GPHN: variants seen among roughly 807,000 people sequenced by gnomAD.
The protein encoded by GPHN is gephyrin.
GPHN carries 17 observed loss-of-function variants against 95.5 expected under a neutral mutation model. The ratio of observed to expected loss-of-function variants is 0.18; its 90% CI spans 0.12 to 0.27. The LOEUF (loss-of-function observed/expected upper bound fraction) is 0.27, where lower values mean the gene tolerates loss of function less well. GPHN is among the 10% of genes least tolerant of loss of function. GPHN has a pLI of 1.00. For synonymous variants in GPHN, 320 were observed against 322.5 expected, an observed-to-expected ratio of 0.99 and a Z score of 0.08; for missense variants, 660 against 978.1, an observed-to-expected ratio of 0.67 and a Z score of 4.34.
At chr14:67,562,195 G>A in the GPHN span, 2 of 1,611,746 alleles carry the variant, frequency 1.2e-6, no homozygotes, top group Non-Finnish European at 1.7e-6. Flanking sequence ...CTGCAGAGCA[G>A]GATTCTGTCC....
intron 17 of GPHN, among the ~76,000 whole-genome samples, 184 bp downstream of exon 17, chr14:67,122,561 A>C (rs1337112691): frequency 6.6e-6 from 1 of 152,204 alleles, no homozygotes; most frequent in African/African-American, 2.4e-5. Context: ...ATTTCTTGGA[A>C]TGTCTCTGAA....
At chr14:67,144,253 A>ATATACATATATATATGTG (rs2080727414) in intron 18 of GPHN, among the ~76,000 whole-genome samples, 1 of 46,456 alleles carries the variant, frequency 2.2e-5, no homozygotes, top group Admixed American at 2.7e-4. Context: ...AAAAAAAAAT[A>ATATACATATATATATGTG]TATATATATA....
the GPHN span, among the ~76,000 whole-genome samples, chr14:67,731,187 C>G: frequency 1.4e-5 from 2 of 141,370 alleles, no homozygotes; most frequent in African/African-American, 5.3e-5. Flanking sequence ...AATTGTGTTT[C>G]TCATCATATT....
At chr14:67,198,394 G>A in the GPHN span, 2 of 1,399,554 alleles carry the variant, frequency 1.4e-6, no homozygotes, top group Non-Finnish European at 2.0e-6. Context: ...GAAAAGGATG[G>A]TAGGAGAATT....
chr14:67,454,505 C>T, the GPHN span: 1 of 152,220 alleles, frequency 6.6e-6, no homozygotes, highest in Non-Finnish European at 1.5e-5. Context: ...CTGTAGAACT[C>T]CGAACACTCA....
the GPHN span, chr14:67,587,040 G>A: frequency 6.3e-5 from 98 of 1,551,820 alleles, no homozygotes; most frequent in Admixed American, 9.7e-5. Flanking sequence ...GCCAAGGCTA[G>A]TTCAATTCCT....
At chr14:67,348,750 G>A in the GPHN span, 2 of 273,890 alleles carry the variant, frequency 7.3e-6, no homozygotes, top group Non-Finnish European at 1.4e-5. Flanking sequence ...TCGAACTCCT[G>A]ACCTTGTGAT....
chr14:66,788,296 G>A (rs956284508), intron 3 of GPHN, among the ~76,000 whole-genome samples: 13 of 152,190 alleles, frequency 8.5e-5, no homozygotes, highest in African/African-American at 1.7e-4. Flanking sequence ...GCAACAGAAC[G>A]AGACTCCGTC....
At chr14:67,373,083 T>C in the GPHN span, among the ~76,000 whole-genome samples, 1 of 152,312 alleles carries the variant, frequency 6.6e-6, no homozygotes, top group East Asian at 1.9e-4. Flanking sequence ...TCCACATTGC[T>C]CATGGGAATG....
chr14:67,587,583 C>T, the GPHN span: 5 of 275,198 alleles, frequency 1.8e-5, no homozygotes, highest in Admixed American at 5.1e-5. Context: ...CTCAAGGAAG[C>T]TAATTTTCTT....
chr14:67,636,318 A>G, the GPHN span, among the ~76,000 whole-genome samples: 1 of 152,222 alleles, frequency 6.6e-6, no homozygotes, highest in Non-Finnish European at 1.5e-5. Context: ...GTAATCATAT[A>G]TGAGCTCTAA....
At chr14:67,395,117 C>G in the GPHN span, among the ~76,000 whole-genome samples, 1 of 152,136 alleles carries the variant, frequency 6.6e-6, no homozygotes, top group Non-Finnish European at 1.5e-5. Context: ...GTGACACAGC[C>G]CTGAGCACCC....
the GPHN span, chr14:67,336,048 T>C: frequency 2.6e-5 from 4 of 152,380 alleles, no homozygotes; most frequent in African/African-American, 9.6e-5. Context: ...GTATTAAAGA[T>C]GGACAACGCA....
At chr14:67,243,489 ATTTTTTTT>A in the GPHN span, among the ~76,000 whole-genome samples, 6 of 100,292 alleles carry the variant, frequency 6.0e-5, no homozygotes, top group African/African-American at 1.2e-4. Flanking sequence ...CCAGAATATA[ATTTTTTTT>A]TTTTTTTTTT....
intron 1 of GPHN, among the ~76,000 whole-genome samples, chr14:66,595,563 C>A (rs2061939077): frequency 2.0e-5 from 3 of 152,144 alleles, no homozygotes; most frequent in African/African-American, 7.2e-5. Flanking sequence ...CTGCACACAG[C>A]CAGGCACACT....
At chr14:67,337,104 T>G in the GPHN span, among the ~76,000 whole-genome samples, 2 of 152,240 alleles carry the variant, frequency 1.3e-5, no homozygotes, top group Non-Finnish European at 2.9e-5. Context: ...CTCTTATGGT[T>G]GTTGTAATGA....
the GPHN span, among the ~76,000 whole-genome samples, chr14:67,341,513 G>T: frequency 1.3e-5 from 2 of 151,036 alleles, no homozygotes; most frequent in African/African-American, 2.4e-5. Flanking sequence ...GAGGGAGGTG[G>T]GGGGGGTCAG....
chr14:67,095,803 T>C, intron 12 of GPHN, among the ~76,000 whole-genome samples: 1 of 151,730 alleles, frequency 6.6e-6, no homozygotes, highest in African/African-American at 2.4e-5. Context: ...CAGGGAGGGA[T>C]AGCATTAGGA....
At chr14:66,812,123 G>C (rs1436765818) in intron 3 of GPHN, among the ~76,000 whole-genome samples, 1 of 152,162 alleles carries the variant, frequency 6.6e-6, no homozygotes, top group Non-Finnish European at 1.5e-5. Flanking sequence ...AGAAAGGAGA[G>C]AGCCAAAGAG....
Sources: allele counts gnomAD v4.1 joint callset (sites outside exome capture counted in the v4.1 genomes callset), GRCh38; gene constraint gnomAD v4.1.1; transcripts MANE v1.5; gene names NCBI Gene and HGNC (gene_info 2026-07-23, HGNC 2026-07-21).